CEP83: variants seen among roughly 807,000 people sequenced by gnomAD.
CEP83 encodes centrosomal protein of 83 kDa.
Under a neutral mutation model 101.9 loss-of-function variants are expected in CEP83, and 70 were observed. The observed-to-expected ratio is 0.69, with a 90% CI of 0.57 to 0.84. The LOEUF (loss-of-function observed/expected upper bound fraction) is 0.84. CEP83 is among the 40% of genes least tolerant of loss of function. The pLI is 0.00. For missense variants in CEP83, 715 were observed against 787.2 expected, an observed-to-expected ratio of 0.91 and a Z score of 1.10; for synonymous variants, 264 against 267.9, an observed-to-expected ratio of 0.99 and a Z score of 0.14.
chr12:94,437,965 C>T (rs567241454), intron 1 of CEP83, among the ~76,000 whole-genome samples: 3 of 152,070 alleles, frequency 2.0e-5, no homozygotes, highest in African/African-American at 2.4e-5. Flanking sequence ...ACCTGTAATC[C>T]CAGCACTTTG....
At chr12:94,430,507 A>G (rs943564511) in intron 2 of CEP83, among the ~76,000 whole-genome samples, 1 of 152,058 alleles carries the variant, frequency 6.6e-6, no homozygotes, top group Non-Finnish European at 1.5e-5. Context: ...TCAACAACAG[A>G]CTAGATCAAG....
At chr12:94,306,825 C>CTGAT (rs1969075116), downstream of CEP83, 2 of 152,288 alleles carry the variant, frequency 1.3e-5, no homozygotes, top group East Asian at 1.9e-4. Flanking sequence ...AGTTACTACC[C>CTGAT]TGATAGGCAC....
In CEP83 at chr12:94,419,941, G is replaced by A. The variant is rs370042388; in HGVS notation, c.-101-7350C>T. ...TAACTCAAGGCAGGAAAAATAGCAC[G>A]TCTAAAATCTAAAAGGTGATTCCCA... On this transcript the variant is annotated intron_variant, in intron 2 of 16. Transcript: ENST00000397809. 6.6e-5 allele frequency among the ~76,000 whole-genome samples: 10 copies of A among 152,240 alleles called. 1 individual carries two copies. Among genetic ancestry groups the A allele is most frequent in the African/African-American group, 2.4e-4 (10 of 41,550 alleles).
At chr12:94,421,101 C>CA (rs1445704442) in intron 2 of CEP83, among the ~76,000 whole-genome samples, 1 of 152,112 alleles carries the variant, frequency 6.6e-6, no homozygotes, top group Non-Finnish European at 1.5e-5. Context: ...AGTGCAATGG[C>CA]ATGATCACAG....
intron 14 of CEP83, among the ~76,000 whole-genome samples, chr12:94,323,400 C>G (rs1048975244): frequency 6.6e-6 from 1 of 152,066 alleles, no homozygotes; most frequent in Non-Finnish European, 1.5e-5. Flanking sequence ...TGCAAAGATC[C>G]AAGGGAGAAG....
At chr12:94,294,166 T>C in the CEP83 span, among the ~76,000 whole-genome samples, 14 of 152,264 alleles carry the variant, frequency 9.2e-5, no homozygotes, top group African/African-American at 3.4e-4. Context: ...CACAGCTCAG[T>C]CTTCCCCTCT....
At chr12:94,416,540 T>C (rs1467327157) in intron 2 of CEP83, among the ~76,000 whole-genome samples, 2 of 144,464 alleles carry the variant, frequency 1.4e-5, no homozygotes, top group African/African-American at 2.6e-5. Context: ...ATCTACTCTA[T>C]CCAAATACCA....
chr12:94,364,995 A>G (rs543488192), intron 11 of CEP83, among the ~76,000 whole-genome samples: 1 of 152,330 alleles, frequency 6.6e-6, no homozygotes, highest in Non-Finnish European at 1.5e-5. Flanking sequence ...AGAGGCAATA[A>G]CAGATTAAAT....
At chr12:94,340,365 G>A (rs537327686) in intron 11 of CEP83, among the ~76,000 whole-genome samples, 1 of 151,986 alleles carries the variant, frequency 6.6e-6, no homozygotes, top group African/African-American at 2.4e-5. Context: ...CTGAGCCAGA[G>A]TGCCTGATAC....
At chr12:94,274,769 G>A in the CEP83 span, among the ~76,000 whole-genome samples, 11 of 152,156 alleles carry the variant, frequency 7.2e-5, no homozygotes, top group Non-Finnish European at 1.3e-4. Context: ...TTGAGTACCC[G>A]GTTCTACCAT....
chr12:94,339,121 C>A lies in CEP83; in HGVS notation c.1344-3457G>T, dbSNP rs145909362. 2.2e-3 allele frequency among the ~76,000 whole-genome samples: 342 copies of A among 152,174 alleles called. 2 individuals carry two copies. The highest frequency in any genetic ancestry group is 7.7e-3 in the African/African-American group (320 of 41,544). ...CTGGGATTACAGGCATCCACCACCA[C>A]GCCCGGCTAATTTTTTGTATTTTTA... On this transcript the variant is annotated intron_variant, in intron 11 of 16. Coordinates refer to ENST00000397809, the MANE Select transcript of CEP83 (RefSeq NM_016122.3).
At chr12:94,346,463 A>T (rs1265217455) in intron 11 of CEP83, among the ~76,000 whole-genome samples, 1 of 151,726 alleles carries the variant, frequency 6.6e-6, no homozygotes, top group African/African-American at 2.4e-5. Context: ...AAAAAAAAAA[A>T]TCCTCTTCAA....
chr12:94,309,910 G>A lies in CEP83; in HGVS notation c.2001+8C>T. 1 of 1,509,466 alleles carries A rather than the reference G, an allele frequency of 6.6e-7. No individual in the cohort carries two copies. The allele number at this position is 1,509,466 out of a possible 1,614,324, so 93.5% of individuals were successfully genotyped here. On this transcript the variant is annotated splice_region_variant and intron_variant, in intron 16 of 16. Transcript: ENST00000397809. ...CTTTTTTTTTCCCCCTAAAATAAAT[G>A]CTCATACCTGCATATGAGGAGGAAA...
chr12:94,385,140 G>A lies in CEP83; in HGVS notation c.550-6098C>T, dbSNP rs150013140. Among the ~76,000 whole-genome samples, 624 of 152,270 alleles carry A rather than the reference G, an allele frequency of 4.1e-3. 3 individuals are homozygous for A. Among genetic ancestry groups the A allele is most frequent in the African/African-American group, 0.014 (577 of 41,540 alleles). On this transcript the variant is annotated intron_variant, in intron 6 of 16. Transcript: ENST00000397809. The stretch of plus-strand genomic sequence containing the variant: ...CTCTACTTCTGTTGATACCCAAGGT[G>A]GGAGGGCTTCTCATGATACCCATAA...
At position 94,400,850 on chromosome 12, in the gene CEP83, C is replaced by G; in HGVS notation, c.549G>C (p.Glu183Asp). ...LDEGKIKYES[E>D]IARLEEDKEE... The stretch of plus-strand genomic sequence containing the variant: ...GAAACTCGTATAATCAATCACTTAC[C>G]TCTGATTCATATTTTATTTTTCCTT... The change falls in exon 6 of 17, where the codon GAG becomes GAC. Residue 183 changes from glutamate to aspartate, a missense_variant and splice_region_variant. Coordinates refer to ENST00000397809, the MANE Select transcript of CEP83 (RefSeq NM_016122.3). 1 of 1,454,824 alleles carries G rather than the reference C, an allele frequency of 6.9e-7. No homozygotes were observed. The highest frequency in any genetic ancestry group is 9.1e-7 in the Non-Finnish European group (1 of 1,097,016). The allele number at this position is 1,454,824 out of a possible 1,614,324, so 90.1% of individuals were successfully genotyped here.
At chr12:94,334,992 C>T (rs1388363374) in intron 12 of CEP83, among the ~76,000 whole-genome samples, 1 of 151,944 alleles carries the variant, frequency 6.6e-6, no homozygotes, top group African/African-American at 2.4e-5. Flanking sequence ...AAAGCAGTAC[C>T]AACTCGCATA....
intron 7 of CEP83, among the ~76,000 whole-genome samples, chr12:94,376,700 C>T (rs980739652): frequency 0.026 from 3,096 of 119,152 alleles, 122 homozygotes; most frequent in African/African-American, 0.088. Flanking sequence ...TACACACACA[C>T]ACACACACAC....
chr12:94,377,260 C>T (rs1015447593), intron 7 of CEP83, among the ~76,000 whole-genome samples: 1 of 152,056 alleles, frequency 6.6e-6, no homozygotes, highest in Non-Finnish European at 1.5e-5. Context: ...AATCATTTGG[C>T]GACACAGTAC....
Position 94,309,956 on chromosome 12 carries a change from C to G in CEP83, c.1963G>C (p.Val655Leu), listed in dbSNP as rs1255365224. 6.2e-7 allele frequency: 1 copy of G among 1,609,918 alleles called. No individual in the cohort carries two copies. Among genetic ancestry groups the G allele is most frequent in the Non-Finnish European group, 8.5e-7 (1 of 1,177,574 alleles). ...NPVSFQSSAM[V>L]PSMELPFPPH... Reference sequence around the variant, plus strand: ...GGAAATGGTAGTTCCATGCTTGGAACCATGGCTGATGACTGAAAGCTAACA... The same window carrying G: ...GGAAATGGTAGTTCCATGCTTGGAAGCATGGCTGATGACTGAAAGCTAACA... The change falls in exon 16 of 17, where the codon GTT (valine) becomes CTT (leucine). Residue 655 changes from valine (V) to leucine (L), a missense_variant. Val to Leu is a conservative substitution (Grantham distance 32, BLOSUM62 1). Transcript: ENST00000397809.
Sources: allele counts gnomAD v4.1 joint callset (sites outside exome capture counted in the v4.1 genomes callset), GRCh38; gene constraint gnomAD v4.1.1; transcripts MANE v1.5; gene names NCBI Gene and HGNC (gene_info 2026-07-23, HGNC 2026-07-21).